Variants in STXBP5L observed in about 807,000 individuals in gnomAD.
The protein encoded by STXBP5L is syntaxin binding protein 5L, also known as syntaxin-binding protein 5-like.
STXBP5L carries 65 observed loss-of-function variants against 144.5 expected under a neutral mutation model. The observed-to-expected ratio is 0.45, with a 90% CI of 0.37 to 0.55. The LOEUF (loss-of-function observed/expected upper bound fraction) is 0.55, where lower values mean the gene tolerates loss of function less well. Ranked by LOEUF, STXBP5L falls within the 20% of genes least tolerant of loss-of-function variation. The probability of loss-of-function intolerance (pLI) is 0.00; values close to 1 mark genes in which losing one functional copy is unlikely to be tolerated. For synonymous variants in STXBP5L, 505 were observed against 469.6 expected, an observed-to-expected ratio of 1.08 and a Z score of -0.97; for missense variants, 1,298 against 1,405.5, an observed-to-expected ratio of 0.92 and a Z score of 1.22.
chr3:121,044,959 A>G (rs1047181233), intron 4 of STXBP5L, among the ~76,000 whole-genome samples: 2 of 152,158 alleles, frequency 1.3e-5, no homozygotes, highest in Non-Finnish European at 2.9e-5. Context: ...TATACCAAAT[A>G]TACTTTTTAG....
chr3:120,914,707 GA>G, intron 2 of STXBP5L, among the ~76,000 whole-genome samples: 1 of 152,140 alleles, frequency 6.6e-6, no homozygotes, highest in South Asian at 2.1e-4. Flanking sequence ...TCCATAAAAA[GA>G]ATAATAGAAG....
chr3:121,173,678 A>C (rs1052613484), intron 9 of STXBP5L, among the ~76,000 whole-genome samples: 1 of 152,152 alleles, frequency 6.6e-6, no homozygotes, highest in Non-Finnish European at 1.5e-5. Flanking sequence ...GTTATTAAGA[A>C]AATCATAAGG....
At chr3:121,165,971 A>ATTCTG (rs2046484543) in intron 9 of STXBP5L, among the ~76,000 whole-genome samples, 1 of 3,384 alleles carries the variant, frequency 3.0e-4, no homozygotes, top group African/African-American at 1.4e-3. Flanking sequence ...CCCCTGTTCC[A>ATTCTG]TTCTATTCTC....
At chr3:120,990,705 A>C (rs1942760035) in intron 3 of STXBP5L, among the ~76,000 whole-genome samples, 1 of 152,286 alleles carries the variant, frequency 6.6e-6, no homozygotes, top group South Asian at 2.1e-4. Context: ...TCTTTGACAA[A>C]CGTGACAAAA....
chr3:120,925,486 CT>C (rs894643736), intron 2 of STXBP5L, among the ~76,000 whole-genome samples: 4 of 152,082 alleles, frequency 2.6e-5, no homozygotes, highest in Admixed American at 2.6e-4. Flanking sequence ...TACTCCTGCT[CT>C]TTTTTGGTTT....
chr3:121,390,185 T>C (rs1576339728), intron 22 of STXBP5L, among the ~76,000 whole-genome samples: 1 of 152,328 alleles, frequency 6.6e-6, no homozygotes, highest in South Asian at 2.1e-4. Flanking sequence ...TAAAGTCTGT[T>C]TTATCAGAGA....
chr3:121,003,811 TC>T (rs1354207109), intron 3 of STXBP5L, among the ~76,000 whole-genome samples: 4 of 152,212 alleles, frequency 2.6e-5, no homozygotes, highest in African/African-American at 7.2e-5. Flanking sequence ...AAATAGGGAA[TC>T]CTTTCCCCAT....
At chr3:121,067,242 T>A (rs1486646554) in intron 5 of STXBP5L, among the ~76,000 whole-genome samples, 2 of 152,112 alleles carry the variant, frequency 1.3e-5, no homozygotes, top group Non-Finnish European at 2.9e-5. Flanking sequence ...ACATAACTGA[T>A]TTCAATATTT....
At chr3:121,132,596 A>G (rs1365242794) in intron 7 of STXBP5L, among the ~76,000 whole-genome samples, 3 of 152,242 alleles carry the variant, frequency 2.0e-5, no homozygotes, top group Admixed American at 2.0e-4. Flanking sequence ...AGAAAGCAAC[A>G]TAGAGAGTCA....
intron 2 of STXBP5L, among the ~76,000 whole-genome samples, chr3:120,937,499 C>T (rs144243341): frequency 5.9e-5 from 9 of 152,216 alleles, no homozygotes; most frequent in East Asian, 3.9e-4. Context: ...GCTTCCCACG[C>T]GGAAGTTTCT....
At chr3:121,347,751 C>G (rs911232314) in intron 20 of STXBP5L, among the ~76,000 whole-genome samples, 5 of 152,030 alleles carry the variant, frequency 3.3e-5, no homozygotes, top group Admixed American at 1.3e-4. Context: ...TGATTTGGCT[C>G]TCTTTTTGTC....
At chr3:120,974,987 G>A (rs1485464488) in intron 3 of STXBP5L, among the ~76,000 whole-genome samples, 3 of 152,150 alleles carry the variant, frequency 2.0e-5, no homozygotes, top group South Asian at 2.1e-4. Context: ...GATGCCTCCA[G>A]CTTTGTTCTT....
At chr3:121,187,727 A>C (rs1013737212) in intron 9 of STXBP5L, among the ~76,000 whole-genome samples, 1 of 152,164 alleles carries the variant, frequency 6.6e-6, no homozygotes, top group Non-Finnish European at 1.5e-5. Flanking sequence ...AAATGTCCCA[A>C]TTAAAAGACA....
At chr3:121,081,174 C>T (rs1052536412) in intron 5 of STXBP5L, among the ~76,000 whole-genome samples, 47 of 151,884 alleles carry the variant, frequency 3.1e-4, no homozygotes, top group African/African-American at 8.9e-4. Flanking sequence ...TTTTATATTT[C>T]CCTAAGTGTG....
chr3:120,968,205 G>GC (rs1939821778), intron 3 of STXBP5L, among the ~76,000 whole-genome samples: 1 of 152,046 alleles, frequency 6.6e-6, no homozygotes, highest in Admixed American at 6.5e-5. Flanking sequence ...GAGTGCTGTG[G>GC]TTTTCTACTG....
At chr3:121,004,610 G>A (rs1190910531) in intron 3 of STXBP5L, among the ~76,000 whole-genome samples, 1 of 151,996 alleles carries the variant, frequency 6.6e-6, no homozygotes, top group African/African-American at 2.4e-5. Flanking sequence ...GGTGAGAGAG[G>A]GCATCCCTGT....
intron 9 of STXBP5L, among the ~76,000 whole-genome samples, chr3:121,188,004 C>T (rs1208818582): frequency 1.3e-5 from 2 of 152,062 alleles, no homozygotes; most frequent in Non-Finnish European, 2.9e-5. Flanking sequence ...AATATATATG[C>T]ACCGAATGCA....
Position 121,420,663 on chromosome 3 carries a change from G to A in STXBP5L, c.*1566G>A, listed in dbSNP as rs1008573272. ...GTAATATGTTGTTTCGTCAAGAAAA[G>A]TTTTAATTATGGTTTTGGCTTATTG... On this transcript the variant is annotated 3_prime_UTR_variant, in exon 27 of 27. Transcript: ENST00000471454. The A allele has an allele frequency of 1.2e-4, 19 of 152,086 alleles. No homozygotes were observed. The highest frequency in any genetic ancestry group is 4.6e-4 in the African/African-American group (19 of 41,408). The allele number at this position is 152,086 out of a possible 1,614,324, so 9.4% of individuals were successfully genotyped here.
rs749876962 is a variant in STXBP5L, at chr3:121,189,395, TG to T, written c.878-16527del. Among the ~76,000 whole-genome samples the T allele has an allele frequency of 1.0e-3, 159 of 152,244 alleles. 2 individuals are homozygous for T. The highest frequency in any genetic ancestry group is 2.2e-4 in the Non-Finnish European group (15 of 68,046). Reference sequence around the variant, plus strand: ...CTTTAATCCATCTTGAATTAATTTTTGTATAAAGTGTAAGGAAGGGATCCAG... The same window carrying T: ...CTTTAATCCATCTTGAATTAATTTTTTATAAAGTGTAAGGAAGGGATCCAG... On this transcript the variant is annotated intron_variant, in intron 9 of 26. Transcript: ENST00000471454.
Sources: allele counts gnomAD v4.1 joint callset (sites outside exome capture counted in the v4.1 genomes callset), GRCh38; gene constraint gnomAD v4.1.1; transcripts MANE v1.5; gene names NCBI Gene and HGNC (gene_info 2026-07-23, HGNC 2026-07-21).